Variants in PITPNC1 observed in about 807,000 individuals in gnomAD.
The protein encoded by PITPNC1 is phosphatidylinositol transfer protein cytoplasmic 1.
In PITPNC1, 18 loss-of-function variants were observed where a neutral mutation model predicts 44.7. The ratio of observed to expected loss-of-function variants is 0.40; its 90% CI spans 0.28 to 0.60. PITPNC1 has a LOEUF of 0.60. Among genes scored for constraint, PITPNC1 ranks in the 20% least tolerant of loss-of-function variants. The pLI, the probability that PITPNC1 is intolerant of heterozygous loss-of-function variation, is 0.39. For synonymous variants in PITPNC1, 141 were observed against 149.6 expected (o/e 0.94, Z 0.42); for missense variants, 290 against 418.4 (o/e 0.69, Z 2.68).
At chr17:67,435,908 A>G (rs2038931564) in intron 1 of PITPNC1, among the ~76,000 whole-genome samples, 3 of 152,188 alleles carry the variant, frequency 2.0e-5, no homozygotes, top group Admixed American at 6.5e-5. Context: ...GTGGTATAAA[A>G]AAATAAGTTG....
rs377438225 is a variant in PITPNC1, at chr17:67,687,811, G to A, written c.683-4761G>A. ...AGCCTTAGAGAGCCTCAGTTATTTC[G>A]TTGCACACTGGAAATTGAGAGCTGA... On this transcript the variant is annotated intron_variant, in intron 8 of 8. Coordinates refer to ENST00000581322, the MANE Select transcript of PITPNC1 (RefSeq NM_012417.4). 2.3e-4 allele frequency among the ~76,000 whole-genome samples: 35 copies of A among 152,190 alleles called. 2 individuals carry two copies. The South Asian group carries it at 6.4e-3, about 28-fold the overall frequency.
chr17:67,691,902 G>A (rs543523823), intron 8 of PITPNC1, among the ~76,000 whole-genome samples: 13 of 152,086 alleles, frequency 8.5e-5, no homozygotes, highest in East Asian at 3.9e-4. Flanking sequence ...TCAGCCTCAC[G>A]GGGCCCTAAT....
intron 1 of PITPNC1, among the ~76,000 whole-genome samples, chr17:67,438,092 A>G (rs2038961894): frequency 6.6e-6 from 1 of 152,044 alleles, no homozygotes; most frequent in Non-Finnish European, 1.5e-5. Flanking sequence ...AGAAAAAAAA[A>G]GAAGAGAAAA....
chr17:67,601,347 T>G (rs1300734701), intron 5 of PITPNC1, among the ~76,000 whole-genome samples: 1 of 152,144 alleles, frequency 6.6e-6, no homozygotes, highest in African/African-American at 2.4e-5. Context: ...GGGCAAGGCA[T>G]AGAACACAAG....
intron 6 of PITPNC1, among the ~76,000 whole-genome samples, chr17:67,632,790 A>G (rs886462324): frequency 6.6e-6 from 1 of 151,988 alleles, no homozygotes; most frequent in African/African-American, 2.4e-5. Context: ...CTGGTCTCCA[A>G]CTTCTGATCT....
intron 1 of PITPNC1, among the ~76,000 whole-genome samples, chr17:67,437,467 C>G (rs1362281488): frequency 1.3e-5 from 2 of 152,098 alleles, no homozygotes; most frequent in African/African-American, 4.8e-5. Flanking sequence ...CAGAGCATGG[C>G]CCTGCTGATA....
intron 1 of PITPNC1, among the ~76,000 whole-genome samples, chr17:67,410,315 A>T (rs2038475702): frequency 6.6e-6 from 1 of 152,168 alleles, no homozygotes; most frequent in Admixed American, 6.5e-5. Flanking sequence ...GTGAAGACTT[A>T]AGTATCTCTT....
At chr17:67,465,905 G>A (rs1470441331) in intron 1 of PITPNC1, among the ~76,000 whole-genome samples, 2 of 152,108 alleles carry the variant, frequency 1.3e-5, no homozygotes, top group Admixed American at 6.5e-5. Flanking sequence ...ATGGTAGGGC[G>A]GGGGTAAATC....
chr17:67,670,093 TAAAAAATA>T (rs965323052), intron 7 of PITPNC1, among the ~76,000 whole-genome samples: 1 of 151,772 alleles, frequency 6.6e-6, no homozygotes, highest in African/African-American at 2.4e-5. Context: ...GAAATAAAAA[TAAAAAATA>T]AAAAAATAAA....
chr17:67,640,414 C>G (rs962516482), intron 6 of PITPNC1, among the ~76,000 whole-genome samples: 7 of 151,998 alleles, frequency 4.6e-5, no homozygotes, highest in Non-Finnish European at 8.8e-5. Flanking sequence ...GCACAGTGGT[C>G]CACACCTGTA....
intron 1 of PITPNC1, among the ~76,000 whole-genome samples, chr17:67,382,750 GA>G (rs2037982246): frequency 6.6e-6 from 1 of 151,846 alleles, no homozygotes; most frequent in African/African-American, 2.4e-5. Flanking sequence ...TCAGCCTCCC[GA>G]GTAGCTGGGA....
intron 1 of PITPNC1, among the ~76,000 whole-genome samples, chr17:67,425,072 C>T (rs1311442476): frequency 1.3e-5 from 2 of 152,036 alleles, no homozygotes; most frequent in African/African-American, 2.4e-5. Flanking sequence ...AACATTCCTC[C>T]AAATTCCACC....
chr17:67,634,239 C>T (rs1305848352), intron 6 of PITPNC1, among the ~76,000 whole-genome samples: 1 of 152,132 alleles, frequency 6.6e-6, no homozygotes, highest in Non-Finnish European at 1.5e-5. Flanking sequence ...ATTATTCATC[C>T]AATAAATATT....
chr17:67,626,841 G>C (rs1315739796), intron 5 of PITPNC1, among the ~76,000 whole-genome samples: 1 of 150,044 alleles, frequency 6.7e-6, no homozygotes, highest in African/African-American at 2.5e-5. Flanking sequence ...AAAAACCTAA[G>C]ATCAATGAGT....
intron 1 of PITPNC1, among the ~76,000 whole-genome samples, chr17:67,453,615 A>G (rs1311998664): frequency 6.6e-6 from 1 of 152,224 alleles, no homozygotes; most frequent in Non-Finnish European, 1.5e-5. Flanking sequence ...GGCCAAGAGA[A>G]AACATCAGCG....
At chr17:67,383,963 G>A (rs570967073) in intron 1 of PITPNC1, among the ~76,000 whole-genome samples, 1 of 152,282 alleles carries the variant, frequency 6.6e-6, no homozygotes, top group African/African-American at 2.4e-5. Context: ...CTTGAACCAG[G>A]GAGGTGGAGG....
Position 67,514,316 on chromosome 17 carries a change from T to C in PITPNC1, c.49-18486T>C, listed in dbSNP as rs375025290. 2.3e-3 allele frequency among the ~76,000 whole-genome samples: 349 copies of C among 152,028 alleles called. 1 individual carries two copies. Among genetic ancestry groups the C allele is most frequent in the African/African-American group, 7.8e-3 (322 of 41,492 alleles). The stretch of plus-strand genomic sequence containing the variant: ...CCGGGTTCAAGCAGTTCTTCCAGCC[T>C]CAACCTCCGAGTAGCTGAGATTACC... On this transcript the variant is annotated intron_variant, in intron 1 of 8. Transcript: ENST00000581322.
chr17:67,570,308 C>T (rs2041035511), intron 4 of PITPNC1, among the ~76,000 whole-genome samples: 1 of 152,184 alleles, frequency 6.6e-6, no homozygotes, highest in Admixed American at 6.5e-5. Flanking sequence ...AAGGAGCTGC[C>T]AAGGATGGAG....
intron 1 of PITPNC1, among the ~76,000 whole-genome samples, chr17:67,405,410 C>T (rs1432940629): frequency 6.7e-6 from 1 of 148,610 alleles, no homozygotes; most frequent in East Asian, 1.9e-4. Flanking sequence ...GAGCAAGACC[C>T]TGTCTCAAAA....
Sources: allele counts gnomAD v4.1 joint callset (sites outside exome capture counted in the v4.1 genomes callset), GRCh38; gene constraint gnomAD v4.1.1; transcripts MANE v1.5; gene names NCBI Gene and HGNC (gene_info 2026-07-23, HGNC 2026-07-21).